Variants in NLRC5 observed in about 807,000 individuals in gnomAD.
NLRC5 encodes protein NLRC5.
In NLRC5, 114 loss-of-function variants were observed where a neutral mutation model predicts 206.9. That is an observed-to-expected ratio of 0.55 (90% CI 0.47 to 0.64). NLRC5 has a LOEUF of 0.64. Among genes scored for constraint, NLRC5 ranks in the 30% least tolerant of loss-of-function variants. The probability of loss-of-function intolerance (pLI) is 0.00; values close to 1 mark genes in which losing one functional copy is unlikely to be tolerated. For missense variants in NLRC5, 2,008 were observed against 2,305.5 expected (o/e 0.87, Z 2.64); for synonymous variants, 952 against 962.8 (o/e 0.99, Z 0.21).
intron 4 of NLRC5, 85 bp downstream of exon 4, chr16:57,022,400 G>T: frequency 8.4e-7 from 1 of 1,190,326 alleles, no homozygotes; most frequent in South Asian, 1.3e-5. Flanking sequence ...TGTGGAGGCT[G>T]TGGTGGCTGG....
At chr16:57,079,861 C>T (rs1428779612) in intron 46 of NLRC5, among the ~76,000 whole-genome samples, 1 of 152,202 alleles carries the variant, frequency 6.6e-6, no homozygotes, top group Non-Finnish European at 1.5e-5. Context: ...CTGCCTTTTT[C>T]CCCATTTGTA....
intron 1 of NLRC5, among the ~76,000 whole-genome samples, chr16:57,006,888 CATTATTATT>C (rs9302685): frequency 2.1e-5 from 3 of 144,058 alleles, no homozygotes; most frequent in Admixed American, 7.0e-5. Context: ...ACCGTTAACA[CATTATTATT>C]ATTATTATTA....
chr16:56,991,894 C>T (rs1216281603), intron 1 of NLRC5: 1 of 152,124 alleles, frequency 6.6e-6, no homozygotes, highest in Non-Finnish European at 1.5e-5. Context: ...CGCCTCCTAA[C>T]GTGACCTTAT....
chr16:57,052,761 A>C (rs1172106186), intron 24 of NLRC5: 1 of 152,116 alleles, frequency 6.6e-6, no homozygotes, highest in Non-Finnish European at 1.5e-5. Flanking sequence ...AGCTCACAGC[A>C]CCCCATGGCA....
Position 57,034,150 on chromosome 16 carries a change from C to T in NLRC5, c.2544-18C>T. 1 of 1,610,458 alleles carries T rather than the reference C, an allele frequency of 6.2e-7. No individual in the cohort carries two copies. Among genetic ancestry groups the T allele is most frequent in the Non-Finnish European group, 8.5e-7 (1 of 1,177,116 alleles). On this transcript the variant is annotated intron_variant, in intron 12 of 48. Coordinates refer to ENST00000688547, the MANE Select transcript of NLRC5 (RefSeq NM_001384950.1). ...GGCTGTTTGCCCTGAGCCCTTCTGT[C>T]CCCCACTCCTACCCAAGGCTGCAGA...
chr16:57,067,547 C>A, intron 35 of NLRC5, 77 bp downstream of exon 35: 1 of 1,453,420 alleles, frequency 6.9e-7, no homozygotes, highest in Non-Finnish European at 9.6e-7. Context: ...CATGTGTGAC[C>A]CTGGCATTCT....
chr16:57,031,117 GAAA>G (rs553906341), intron 10 of NLRC5, among the ~76,000 whole-genome samples: 2 of 144,344 alleles, frequency 1.4e-5, no homozygotes, highest in African/African-American at 5.1e-5. Flanking sequence ...AAAAAGAAAG[GAAA>G]AAAAAAAACT....
In NLRC5 at chr16:57,040,667, G is replaced by A; in HGVS notation, c.2888G>A (p.Ser963Asn). ...GPQERAAFLD[S>N]LMLQMPSELP... ...CCCTCCAGGGCTGCATTTCTTGACA[G>A]CCTCATGCTCCAGATGCCCTCTGAG... The change falls in exon 17 of 49, where the codon AGC becomes AAC. Residue 963 changes from serine to asparagine, a missense_variant. Transcript: ENST00000688547. The A allele has an allele frequency of 6.2e-7, 1 of 1,614,170 alleles. No homozygotes were observed. The highest frequency in any genetic ancestry group is 8.5e-7 in the Non-Finnish European group (1 of 1,180,014).
At chr16:57,060,634 A>T (rs1209658146) in intron 30 of NLRC5, among the ~76,000 whole-genome samples, 4 of 149,798 alleles carry the variant, frequency 2.7e-5, no homozygotes, top group African/African-American at 4.9e-5. Flanking sequence ...CAAATACCAC[A>T]TACACAACAC....
chr16:57,033,531 C>T (rs940508486), intron 11 of NLRC5, 73 bp from the exon 12 acceptor site: 1 of 1,465,986 alleles, frequency 6.8e-7, no homozygotes. Context: ...CCTCTAGAAG[C>T]CAAGGAAAGA....
Position 57,022,245 on chromosome 16 carries a change from C to A in NLRC5, c.296-11C>A. Reference sequence around the variant, plus strand: ...GCCCCATACCACATTATACTCTCCCCTCTCTTGCAGGGTTCACCAGCCAGC... The same window carrying A: ...GCCCCATACCACATTATACTCTCCCATCTCTTGCAGGGTTCACCAGCCAGC... On this transcript the variant is annotated splice_polypyrimidine_tract_variant and intron_variant, in intron 3 of 48. Transcript: ENST00000688547. The A allele has an allele frequency of 6.2e-7, 1 of 1,608,918 alleles. No individual in the cohort carries two copies. The highest frequency in any genetic ancestry group is 1.7e-5 in the Admixed American group (1 of 59,896).
At chr16:57,034,126 G>C (rs149202922) in intron 12 of NLRC5, 42 bp from the exon 13 acceptor site, 2 of 1,551,170 alleles carry the variant, frequency 1.3e-6, no homozygotes, top group African/African-American at 2.7e-5. Context: ...TGGAGTAGGG[G>C]CTGTTTGCCC....
intron 19 of NLRC5, 40 bp downstream of exon 19, chr16:57,042,105 G>C (rs1472279477): frequency 1.0e-5 from 13 of 1,293,408 alleles, no homozygotes; most frequent in Admixed American, 2.8e-5. Flanking sequence ...GGCTGGGGCA[G>C]GGGGGGAGCA....
intron 1 of NLRC5, among the ~76,000 whole-genome samples, chr16:57,009,961 C>T (rs1426020453): frequency 6.6e-6 from 1 of 152,078 alleles, no homozygotes; most frequent in Non-Finnish European, 1.5e-5. Context: ...GAGGCTGGTG[C>T]AGGAATCCCA....
At position 57,022,321 on chromosome 16, in the gene NLRC5, G is replaced by C. The variant is rs1278080077; in HGVS notation, c.355+6G>C. 6.2e-7 allele frequency: 1 copy of C among 1,607,558 alleles called. No individual in the cohort carries two copies. The highest frequency in any genetic ancestry group is 1.7e-5 in the Admixed American group (1 of 59,910). On this transcript the variant is annotated splice_donor_region_variant and intron_variant, in intron 4 of 48. Coordinates refer to ENST00000688547, the MANE Select transcript of NLRC5 (RefSeq NM_001384950.1). ...TGAATCTCAGCTCCACCATGGTGAGGACTGGAGTTGGGGGGTGGGAAGGGG... is the reference window on the plus strand; with the variant it reads ...TGAATCTCAGCTCCACCATGGTGAGCACTGGAGTTGGGGGGTGGGAAGGGG...
Position 57,020,891 on chromosome 16 carries a change from A to G in NLRC5, c.179A>G (p.Lys60Arg). 1 of 1,613,888 alleles carries G rather than the reference A, an allele frequency of 6.2e-7. No homozygotes were observed. Among genetic ancestry groups the G allele is most frequent in the Non-Finnish European group, 8.5e-7 (1 of 1,179,976 alleles). ...CAGAGAGTCATCCTGCAACTCAACAAGCTGCATGTCCAGGGTTCGGACACC... is the reference window on the plus strand; with the variant it reads ...CAGAGAGTCATCCTGCAACTCAACAGGCTGCATGTCCAGGGTTCGGACACC... Reference protein sequence around the residue: ...PEQRVILQLNKLHVQGSDTWQ... With the variant: ...PEQRVILQLNRLHVQGSDTWQ... The change falls in exon 3 of 49, where the codon AAG becomes AGG. Residue 60 changes from lysine (K) to arginine (R), a missense_variant. Physicochemically the swap from Lys to Arg is conservative, Grantham distance 26. Coordinates refer to ENST00000688547, the MANE Select transcript of NLRC5 (RefSeq NM_001384950.1).
rs1241165609 is a variant in NLRC5, at chr16:57,046,563, C to T, written c.3260C>T (p.Ala1087Val). 1 of 1,613,760 alleles carries T rather than the reference C, an allele frequency of 6.2e-7. No individual in the cohort carries two copies. The highest frequency in any genetic ancestry group is 1.1e-5 in the South Asian group (1 of 91,074). ...GATCCCCCTCCTAGGGATATGTGGG[C>T]CACTGGATCTTTGCCAGACTTCCCA... is the stretch of plus-strand genomic sequence containing the variant. ...RGDKTSRDMW[A>V]TGSLPDFPAA... The change falls in exon 22 of 49, where the codon GCC becomes GTC. Residue 1087 changes from alanine to valine, a missense_variant. Coordinates refer to ENST00000688547, the MANE Select transcript of NLRC5 (RefSeq NM_001384950.1).
intron 1 of NLRC5, among the ~76,000 whole-genome samples, chr16:57,014,789 T>G (rs1218253656): frequency 6.6e-6 from 1 of 152,156 alleles, no homozygotes; most frequent in African/African-American, 2.4e-5. Context: ...AGCCGGGAAG[T>G]CCCCAATCAG....
chr16:57,074,212 C>T (rs561949759), intron 38 of NLRC5: 101 of 174,788 alleles, frequency 5.8e-4, no homozygotes, highest in African/African-American at 2.2e-3. Context: ...TGTGTATGAC[C>T]TTAAGCAAGT....
Sources: allele counts gnomAD v4.1 joint callset (sites outside exome capture counted in the v4.1 genomes callset), GRCh38; gene constraint gnomAD v4.1.1; transcripts MANE v1.5; gene names NCBI Gene and HGNC (gene_info 2026-07-23, HGNC 2026-07-21).